Variants in PGBD1 observed in about 807,000 individuals in gnomAD.
PGBD1 encodes the protein piggyBac transposable element derived 1.
A neutral mutation model predicts 34.7 loss-of-function variants in PGBD1; 25 were observed. The observed-to-expected ratio is 0.72, with a 90% CI of 0.52 to 1.00. The LOEUF (loss-of-function observed/expected upper bound fraction) is 1.00. PGBD1 is among the 50% of genes least tolerant of loss of function. PGBD1 has a pLI of 0.00. For synonymous variants in PGBD1, 292 were observed against 335.7 expected (o/e 0.87, Z 1.42); for missense variants, 830 against 959.4 (o/e 0.87, Z 1.78).
chr6:28,284,089 C>T lies in PGBD1; in HGVS notation c.276C>T (p.Phe92=). The part of the protein sequence containing the change: ...QIMELLVLEQ[F]LTILPKELQP... ...TGGAACTGCTGGTGCTGGAGCAGTT[C>T]CTGACCATCCTGCCCAAGGAGCTCC... The change falls in exon 2 of 7, where the codon TTC becomes TTT. Residue 92 remains phenylalanine (F), a synonymous_variant. Coordinates refer to ENST00000682144, the MANE Select transcript of PGBD1 (RefSeq NM_032507.4). The T allele has an allele frequency of 6.2e-7, 1 of 1,614,094 alleles. No individual in the cohort carries two copies. The highest frequency in any genetic ancestry group is 8.5e-7 in the Non-Finnish European group (1 of 1,179,992).
At chr6:28,287,015 C>G (rs1221182952) in intron 3 of PGBD1, 65 bp from the exon 4 acceptor site, 1 of 1,258,816 alleles carries the variant, frequency 7.9e-7, no homozygotes, top group East Asian at 2.3e-5. Flanking sequence ...AAGGCTGGGT[C>G]TCCAAAAAGG....
chr6:28,283,468 A>G (rs2113740070), intron 1 of PGBD1, among the ~76,000 whole-genome samples: 1 of 152,332 alleles, frequency 6.6e-6, no homozygotes, highest in South Asian at 2.1e-4. Context: ...GAAGGCAGCC[A>G]TCTGCCTCCT....
rs1188690881 is a variant in PGBD1 at position 28,300,011 on chromosome 6, A to AC, written c.870-713_870-712insC. Among the ~76,000 whole-genome samples, 5 of 152,016 alleles carry AC rather than the reference A, an allele frequency of 3.3e-5. No individual in the cohort carries two copies. Among genetic ancestry groups the AC allele is most frequent in the African/African-American group, 7.2e-5 (3 of 41,468 alleles). ...GCTAGACTCTGTCTCAAAAAAAAAA[A>AC]AAAACAAAACAAAACTTTTCATCTT... On this transcript the variant is annotated intron_variant, in intron 6 of 6. Coordinates refer to ENST00000682144, the MANE Select transcript of PGBD1 (RefSeq NM_032507.4). The surrounding 1 kb of genome is among the most constrained non-coding windows in gnomAD (Gnocchi z 4.0).
At chr6:28,297,273 C>G (rs1762673257) in intron 5 of PGBD1, among the ~76,000 whole-genome samples, 1 of 152,146 alleles carries the variant, frequency 6.6e-6, no homozygotes, top group Non-Finnish European at 1.5e-5. Flanking sequence ...TTCAGATATC[C>G]CTTCATACTT....
At chr6:28,294,149 A>C (rs1762555498) in intron 4 of PGBD1, among the ~76,000 whole-genome samples, 2 of 152,208 alleles carry the variant, frequency 1.3e-5, no homozygotes, top group Non-Finnish European at 2.9e-5. Flanking sequence ...AGTGGTTTGG[A>C]TAGAAGATCA....
rs114802814 is a variant in PGBD1, at chr6:28,283,916, G to A, written c.103G>A (p.Gly35Ser). Residue 35 changes from glycine to serine, a missense_variant, in exon 2 of 7, where the codon GGC (glycine) becomes AGC (serine). This residue lies in a region of PGBD1 where 457 missense variants were observed against 515.4 expected (regional missense o/e 0.89). Coordinates refer to ENST00000682144, the MANE Select transcript of PGBD1 (RefSeq NM_032507.4). The part of the protein sequence containing the change: ...TWEQVCNSQE[G>S]SSHTQEICRL... ...GGAGCAGGTGTGCAACTCACAGGAGGGCAGCTCCCACACTCAGGAGATTTG... is the reference window on the plus strand; with the variant it reads ...GGAGCAGGTGTGCAACTCACAGGAGAGCAGCTCCCACACTCAGGAGATTTG... The A allele has an allele frequency of 1.3e-5, 21 of 1,614,150 alleles. No individual in the cohort carries two copies. The East Asian group carries it at 4.0e-4, about 31-fold the overall frequency.
rs765783685 is a variant in PGBD1 at position 28,296,938 on chromosome 6, TCCGATGAGTAAGGC to T, written c.767_772+8del. 1 of 1,613,878 alleles carries T rather than the reference TCCGATGAGTAAGGC, an allele frequency of 6.2e-7. No homozygotes were observed. The highest frequency in any genetic ancestry group is 1.3e-5 in the African/African-American group (1 of 74,884). ...CTCAGGAGACAGTTATGAGCCTCAG[TCCGATGAGTAAGGC>T]CAGGCCTCTGGCTGGACCCCTGTCT... On this transcript the variant is annotated splice_donor_variant and splice_donor_5th_base_variant and coding_sequence_variant and intron_variant, in exon 5 of 7. Transcript: ENST00000682144. LOFTEE classifies it high-confidence loss of function.
At chr6:28,298,254 C>T (rs1762720034) in intron 6 of PGBD1, among the ~76,000 whole-genome samples, 2 of 152,120 alleles carry the variant, frequency 1.3e-5, no homozygotes, top group South Asian at 4.1e-4. Context: ...CTTGATTACC[C>T]TTCCCTGGGC....
rs1195086152 is a variant in PGBD1, at chr6:28,285,696, A to G, written c.542A>G (p.Gln181Arg). 2 of 1,613,496 alleles carry G rather than the reference A, an allele frequency of 1.2e-6. No individual in the cohort carries two copies. Among genetic ancestry groups the G allele is most frequent in the Non-Finnish European group, 1.7e-6 (2 of 1,179,880 alleles). The change falls in exon 3 of 7, where the codon CAA becomes CGA. Residue 181 changes from glutamine to arginine, a missense_variant. Physicochemically the swap from Gln to Arg is conservative, Grantham distance 43. Around this residue, in one of 3 missense-constraint regions of PGBD1, gnomAD observed 457 missense variants for 515.4 expected, o/e 0.89. Transcript: ENST00000682144. ...CCACAGCGTCCTCAAGGGAACCCCC[A>G]AGAAGTGAGTGGTGAGTGCTCGAGT... is the stretch of plus-strand genomic sequence containing the variant. ...EPPQRPQGNPQEVSGPVPHGS... is the reference protein window; with the variant it reads ...EPPQRPQGNPREVSGPVPHGS...
intron 6 of PGBD1, among the ~76,000 whole-genome samples, chr6:28,298,646 A>G (rs923270671): frequency 6.6e-6 from 1 of 152,178 alleles, no homozygotes; most frequent in Non-Finnish European, 1.5e-5. Context: ...AACAAGGTAT[A>G]GGTCAAAAGG....
intron 4 of PGBD1, among the ~76,000 whole-genome samples, chr6:28,291,025 T>TG (rs944879901): frequency 2.6e-4 from 39 of 148,964 alleles, no homozygotes; most frequent in African/African-American, 9.2e-4. Context: ...CACAACCTAA[T>TG]GATACACCTC....
intron 1 of PGBD1, among the ~76,000 whole-genome samples, chr6:28,282,165 C>A (rs999548507): frequency 6.6e-6 from 1 of 152,162 alleles, no homozygotes; most frequent in Admixed American, 6.5e-5. Context: ...CTTAGAAGGG[C>A]GGTCCTGACT....
Position 28,300,624 on chromosome 6 carries a change from C to T in PGBD1, c.870-100C>T. ...AGAAATAAGTAAGTATCCCCCCACA[C>T]CCACCCCAAGCCCCAAAAGATTTAA... On this transcript the variant is annotated intron_variant, in intron 6 of 6. Transcript: ENST00000682144. The surrounding 1 kb of genome is among the most constrained non-coding windows in gnomAD (Gnocchi z 4.0). 2 of 1,323,756 alleles carry T rather than the reference C, an allele frequency of 1.5e-6. No homozygotes were observed. The highest frequency in any genetic ancestry group is 2.1e-6 in the Non-Finnish European group (2 of 974,156). 82.0% of individuals were successfully genotyped at this position (1,323,756 alleles called of 1,614,324 possible). A position where few individuals can be genotyped will look rare whatever the true frequency, so the allele number is the denominator to read the frequency against.
In PGBD1 at chr6:28,289,409, C is replaced by G. The variant is rs369868619; in HGVS notation, c.642+2241C>G. Among the ~76,000 whole-genome samples the G allele has an allele frequency of 5.3e-5, 8 of 152,162 alleles. No individual in the cohort carries two copies. The East Asian group carries it at 5.8e-4, about 11-fold the overall frequency. On this transcript the variant is annotated intron_variant, in intron 4 of 6. Transcript: ENST00000682144. ...AACAAGCTGAGAGAGTACACCACCA[C>G]CAGACACATCTTACAAGAAATGCTA...
Position 28,284,139 on chromosome 6 carries a change from T to C in PGBD1, c.326T>C (p.Leu109Pro). 1 of 1,608,874 alleles carries C rather than the reference T, an allele frequency of 6.2e-7. No homozygotes were observed. Among genetic ancestry groups the C allele is most frequent in the Non-Finnish European group, 8.5e-7 (1 of 1,177,074 alleles). Reference protein sequence around the residue: ...ELQPCVKTYPLESGEEAVTVL... With the variant: ...ELQPCVKTYPPESGEEAVTVL... ...CAGCCCTGTGTGAAGACATATCCTC[T>C]GGAGAGTGGAGAGGAGGCAGTGACA... The change falls in exon 2 of 7, where the codon CTG becomes CCG. Residue 109 changes from leucine to proline, a missense_variant. Leu to Pro is a moderately conservative substitution (Grantham distance 98). Transcript: ENST00000682144.
Position 28,284,019 on chromosome 6 carries a change from G to C in PGBD1, c.206G>C (p.Cys69Ser), listed in dbSNP as rs1424002319. ...GCTCTGGCCCAACTCCGAGAACTTT[G>C]TCATCAATGGCTGAGACCGGAGATG... ...QEALAQLREL[C>S]HQWLRPEMHT... The change falls in exon 2 of 7, where the codon TGT becomes TCT. Residue 69 changes from cysteine (C) to serine (S), a missense_variant. By Grantham distance (112) the Cys-to-Ser change is moderately radical. Around this residue, in one of 3 missense-constraint regions of PGBD1, gnomAD observed 457 missense variants for 515.4 expected, o/e 0.89. Coordinates refer to ENST00000682144, the MANE Select transcript of PGBD1 (RefSeq NM_032507.4). 6.2e-7 allele frequency: 1 copy of C among 1,614,162 alleles called. No homozygotes were observed. The highest frequency in any genetic ancestry group is 8.5e-7 in the Non-Finnish European group (1 of 1,180,002).
At position 28,301,934 on chromosome 6, in the gene PGBD1, A is replaced by T; in HGVS notation, c.2080A>T (p.Ile694Phe). Residue 694 changes from isoleucine to phenylalanine, a missense_variant, in exon 7 of 7, where the codon ATT (isoleucine) becomes TTT (phenylalanine). Physicochemically the swap from Ile to Phe is conservative, Grantham distance 21. Transcript: ENST00000682144. ...IILCRWYGDGIISLCSNAVGI... is the reference protein window; with the variant it reads ...IILCRWYGDGFISLCSNAVGI... Reference sequence around the variant, plus strand: ...TTTGTGTCGTTGGTATGGGGATGGCATTATCAGTCTGTGCTCCAATGCTGT... The same window carrying T: ...TTTGTGTCGTTGGTATGGGGATGGCTTTATCAGTCTGTGCTCCAATGCTGT... 1.2e-6 allele frequency: 2 copies of T among 1,614,192 alleles called. No individual in the cohort carries two copies. The highest frequency in any genetic ancestry group is 1.7e-6 in the Non-Finnish European group (2 of 1,180,034).
At chr6:28,287,978 A>G (rs995535224) in intron 4 of PGBD1, among the ~76,000 whole-genome samples, 2 of 152,230 alleles carry the variant, frequency 1.3e-5, no homozygotes, top group Non-Finnish European at 2.9e-5. Context: ...TTCAAAATGC[A>G]AGTGCTTGAT....
chr6:28,287,084 T>C lies in PGBD1; in HGVS notation c.558T>C (p.Pro186=). ...PQGNPQEVSG[P]VPHGSAHLQE... is the part of the protein sequence containing the mutation. ...TCTTGCCCTCTCTCTCTGCAGGGCCTGTTCCCCACGGATCAGCTCATCTCC... is the reference window on the plus strand; with the variant it reads ...TCTTGCCCTCTCTCTCTGCAGGGCCCGTTCCCCACGGATCAGCTCATCTCC... The change falls in exon 4 of 7, where the codon CCT becomes CCC. Residue 186 remains proline (P), a synonymous_variant. Coordinates refer to ENST00000682144, the MANE Select transcript of PGBD1 (RefSeq NM_032507.4). 2 of 1,613,606 alleles carry C rather than the reference T, an allele frequency of 1.2e-6. No homozygotes were observed. The highest frequency in any genetic ancestry group is 8.5e-7 in the Non-Finnish European group (1 of 1,179,512).
Sources: gnomAD v4.1 joint callset for allele counts (sites outside exome capture counted in the v4.1 genomes callset) on GRCh38, gnomAD v4.1.1 for gene constraint, gnomAD v4.1.1 regional missense constraint, Gnocchi (gnomAD v3.1) non-coding constraint, MANE v1.5 for transcripts, NCBI Gene and HGNC (gene_info 2026-07-23, HGNC 2026-07-21) for gene names.